Variants in CEACAM5 observed in about 807,000 individuals in gnomAD.
The protein encoded by CEACAM5 is cell adhesion molecule CEACAM5.
CEACAM5 carries 52 observed loss-of-function variants against 63.0 expected under a neutral mutation model. The ratio of observed to expected loss-of-function variants is 0.83; its 90% CI spans 0.66 to 1.04. The LOEUF (loss-of-function observed/expected upper bound fraction) is 1.04. Among genes scored for constraint, CEACAM5 ranks in the 50% least tolerant of loss-of-function variants. The probability of loss-of-function intolerance (pLI) is 0.00; values close to 1 mark genes in which losing one functional copy is unlikely to be tolerated. For synonymous variants in CEACAM5, 357 were observed against 351.3 expected (o/e 1.02, Z -0.18); for missense variants, 790 against 864.8 (o/e 0.91, Z 1.08).
At chr19:41,727,694 C>T (rs1555817310) in intron 9 of CEACAM5, among the ~76,000 whole-genome samples, 1 of 152,164 alleles carries the variant, frequency 6.6e-6, no homozygotes, top group African/African-American at 2.4e-5. Context: ...CTGCTTGACC[C>T]CTTGTTGCCA....
Position 41,710,312 on chromosome 19 carries a change from G to A in CEACAM5, c.424+273G>A, listed in dbSNP as rs1344065036. Among the ~76,000 whole-genome samples the A allele has an allele frequency of 1.2e-4, 19 of 152,198 alleles. No homozygotes were observed. In the East Asian group the frequency reaches 3.3e-3, roughly 26 times the overall value. On this transcript the variant is annotated intron_variant, in intron 2 of 9. Coordinates refer to ENST00000221992, the MANE Select transcript of CEACAM5 (RefSeq NM_004363.6). ...GAGGTCAGTCTCAGCCAAGCACCCC[G>A]TGCCCTCCCCGTAAACCTGACCCTG... is the stretch of plus-strand genomic sequence containing the variant.
intron 9 of CEACAM5, among the ~76,000 whole-genome samples, chr19:41,727,638 G>T (rs527456766): frequency 6.6e-6 from 1 of 152,206 alleles, no homozygotes; most frequent in African/African-American, 2.4e-5. Flanking sequence ...TCTCACACTT[G>T]TGTCATTCTC....
chr19:41,718,401 C>T lies in CEACAM5; in HGVS notation c.1492+19C>T, dbSNP rs1451683483. ...GTCTCTGGTAAGTGGATCCCTGGACCGTTAGCAATATGTTCTGGAGCGGAA... is the reference window on the plus strand; with the variant it reads ...GTCTCTGGTAAGTGGATCCCTGGACTGTTAGCAATATGTTCTGGAGCGGAA... On this transcript the variant is annotated intron_variant, in intron 6 of 9. Coordinates refer to ENST00000221992, the MANE Select transcript of CEACAM5 (RefSeq NM_004363.6). 9 of 1,612,232 alleles carry T rather than the reference C, an allele frequency of 5.6e-6. No individual in the cohort carries two copies. Among genetic ancestry groups the T allele is most frequent in the Admixed American group, 3.3e-5 (2 of 59,946 alleles).
rs534041845 is a variant in CEACAM5, at chr19:41,725,425, C to T, written c.2027-1809C>T. Among the ~76,000 whole-genome samples the T allele has an allele frequency of 3.3e-5, 5 of 150,430 alleles. No homozygotes were observed. In the South Asian group the frequency reaches 1.0e-3, roughly 32 times the overall value. ...CTGTAGCCCAGCACAAGCTAGAGTGCAGTGGTGCCATCATAGCTTACTGCA... is the reference window on the plus strand; with the variant it reads ...CTGTAGCCCAGCACAAGCTAGAGTGTAGTGGTGCCATCATAGCTTACTGCA... On this transcript the variant is annotated intron_variant, in intron 8 of 9. Coordinates refer to ENST00000221992, the MANE Select transcript of CEACAM5 (RefSeq NM_004363.6).
intron 8 of CEACAM5, 63 bp downstream of exon 8, chr19:41,721,239 A>G: frequency 1.3e-6 from 2 of 1,548,312 alleles, no homozygotes; most frequent in South Asian, 2.3e-5. Flanking sequence ...GTTCTCACCA[A>G]AGAGCCAAGA....
In CEACAM5 at chr19:41,727,352, G is replaced by C. The variant is rs782558983; in HGVS notation, c.*36G>C. 7.0e-7 allele frequency: 1 copy of C among 1,432,044 alleles called. No homozygotes were observed. Among genetic ancestry groups the C allele is most frequent in the Non-Finnish European group, 9.8e-7 (1 of 1,015,510 alleles). 88.7% of individuals were successfully genotyped at this position (1,432,044 alleles called of 1,614,324 possible). A position where few individuals can be genotyped will look rare whatever the true frequency, so the allele number is the denominator to read the frequency against. ...GTAGTTTCTTCATTTCAGGAAGACT[G>C]GTAGGTATAATGGCCTTTCCTCTTG... On this transcript the variant is annotated splice_region_variant and 3_prime_UTR_variant, in exon 9 of 10. Coordinates refer to ENST00000221992, the MANE Select transcript of CEACAM5 (RefSeq NM_004363.6).
At chr19:41,719,222 G>A (rs920046588) in intron 6 of CEACAM5, among the ~76,000 whole-genome samples, 3 of 152,164 alleles carry the variant, frequency 2.0e-5, no homozygotes, top group Admixed American at 1.3e-4. Flanking sequence ...TATAGACAGG[G>A]TAAGAATACC....
intron 8 of CEACAM5, 26 bp downstream of exon 8, chr19:41,721,202 A>T (rs1479331522): frequency 6.2e-7 from 1 of 1,612,808 alleles, no homozygotes; most frequent in East Asian, 2.2e-5. Context: ...GAGCATCAGC[A>T]TCATATTCTG....
In CEACAM5 at chr19:41,720,944, T is replaced by C. The variant is rs75582708; in HGVS notation, c.1794T>C (p.Ile598=). 39,269 of 1,613,828 alleles carry C rather than the reference T, an allele frequency of 0.024. 599 individuals are homozygous for C. Among genetic ancestry groups the C allele is most frequent in the Non-Finnish European group, 0.028 (33,157 of 1,179,918 alleles). Reference sequence around the variant, plus strand: ...CAGATGGGCCGGACACCCCCATCATTTCCCCCCCAGACTCGTCTTACCTTT... The same window carrying C: ...CAGATGGGCCGGACACCCCCATCATCTCCCCCCCAGACTCGTCTTACCTTT... The part of the protein sequence containing the change: ...DVLYGPDTPI[I]SPPDSSYLSG... The change falls in exon 8 of 10, where the codon ATT becomes ATC. Residue 598 remains isoleucine (I), a synonymous_variant. Transcript: ENST00000221992.
In CEACAM5 at chr19:41,715,737, A is replaced by G. The variant is rs782747516; in HGVS notation, c.791A>G (p.Asn264Ser). Residue 264 changes from asparagine (N) to serine (S), a missense_variant, in exon 4 of 10, where the codon AAC becomes AGC. Physicochemically the swap from Asn to Ser is conservative, Grantham distance 46 (BLOSUM62 1). Transcript: ENST00000221992. ...AACCTCTCCTGCCACGCAGCCTCTA[A>G]CCCACCTGCACAGTACTCTTGGTTT... ...NLNLSCHAAS[N>S]PPAQYSWFVN... 1 of 1,614,052 alleles carries G rather than the reference A, an allele frequency of 6.2e-7. No individual in the cohort carries two copies. Among genetic ancestry groups the G allele is most frequent in the Admixed American group, 1.7e-5 (1 of 60,008 alleles).
chr19:41,724,596 G>GA (rs1188697487), intron 8 of CEACAM5, among the ~76,000 whole-genome samples: 11 of 150,670 alleles, frequency 7.3e-5, no homozygotes, highest in East Asian at 3.9e-4. Context: ...TCCCATCCAT[G>GA]AAAAAAAAAT....
chr19:41,721,300 T>A (rs1361086596), intron 8 of CEACAM5, 124 bp downstream of exon 8: 13 of 1,092,338 alleles, frequency 1.2e-5, no homozygotes, highest in Non-Finnish European at 1.7e-5. Flanking sequence ...AAATCCCAAA[T>A]TCTATCCTGA....
rs782009272 is a variant in CEACAM5 at position 41,718,195 on chromosome 19, C to G, written c.1305C>G (p.Leu435=). Residue 435 remains leucine (L), a synonymous_variant, in exon 6 of 10, where the codon CTC becomes CTG. Coordinates refer to ENST00000221992, the MANE Select transcript of CEACAM5 (RefSeq NM_004363.6). ...ACCGTCCAGGGGTGAACCTCAGCCT[C>G]TCCTGCCATGCAGCCTCTAACCCAC... ...TYYRPGVNLS[L]SCHAASNPPA... is the part of the protein sequence containing the mutation. The G allele has an allele frequency of 6.2e-7, 1 of 1,614,248 alleles. No homozygotes were observed. The highest frequency in any genetic ancestry group is 1.1e-5 in the South Asian group (1 of 91,078).
In CEACAM5 at chr19:41,718,385, A is replaced by G. The variant is rs148576651; in HGVS notation, c.1492+3A>G. 1.2e-5 allele frequency: 19 copies of G among 1,613,898 alleles called. No homozygotes were observed. Among genetic ancestry groups the G allele is most frequent in the Non-Finnish European group, 1.6e-5 (19 of 1,179,872 alleles). ...AGTCAAGACAATCACAGTCTCTGGT[A>G]AGTGGATCCCTGGACCGTTAGCAAT... On this transcript the variant is annotated splice_donor_region_variant and intron_variant, in intron 6 of 9. Transcript: ENST00000221992.
chr19:41,714,292 T>C (rs781926750), intron 2 of CEACAM5, among the ~76,000 whole-genome samples: 12 of 152,160 alleles, frequency 7.9e-5, no homozygotes, highest in Admixed American at 5.9e-4. Context: ...TCACCTGAAG[T>C]TCTAGATCAT....
At chr19:41,711,073 A>C (rs2072428171) in intron 2 of CEACAM5, among the ~76,000 whole-genome samples, 1 of 152,064 alleles carries the variant, frequency 6.6e-6, no homozygotes, top group South Asian at 2.1e-4. Context: ...GTTTGTTGTT[A>C]GGCATCTGCA....
chr19:41,728,958 A>T (rs1199748857), intron 9 of CEACAM5, among the ~76,000 whole-genome samples: 1 of 152,188 alleles, frequency 6.6e-6, no homozygotes, highest in Non-Finnish European at 1.5e-5. Context: ...TATGGGAAGC[A>T]CTGTCAAATC....
At chr19:41,718,430 G>A (rs1224185000) in intron 6 of CEACAM5, 48 bp downstream of exon 6, 9 of 1,591,292 alleles carry the variant, frequency 5.7e-6, no homozygotes, top group Non-Finnish European at 6.0e-6. Flanking sequence ...AGCGGAATCT[G>A]TCTGGTTTTC....
intron 9 of CEACAM5, among the ~76,000 whole-genome samples, chr19:41,728,402 T>C (rs1555817397): frequency 6.6e-6 from 1 of 152,206 alleles, no homozygotes; most frequent in African/African-American, 2.4e-5. Context: ...CCTCCCCAGA[T>C]GCTACTAATG....
Sources: gnomAD v4.1 joint callset for allele counts (sites outside exome capture counted in the v4.1 genomes callset) on GRCh38, gnomAD v4.1.1 for gene constraint, MANE v1.5 for transcripts, NCBI Gene and HGNC (gene_info 2026-07-23, HGNC 2026-07-21) for gene names.